Variants in RIMS1 observed in about 807,000 individuals in gnomAD.
The protein encoded by RIMS1 is regulating synaptic membrane exocytosis 1.
A neutral mutation model predicts 214.1 loss-of-function variants in RIMS1; 83 were observed. The observed-to-expected ratio is 0.39, with a 90% CI of 0.32 to 0.47. The LOEUF (loss-of-function observed/expected upper bound fraction) is 0.47, where lower values mean the gene tolerates loss of function less well. Among genes scored for constraint, RIMS1 ranks in the 20% least tolerant of loss-of-function variants. The pLI is 0.99. For missense variants in RIMS1, 2,050 were observed against 2,161.8 expected (o/e 0.95, Z 1.03); for synonymous variants, 793 against 786.8 (o/e 1.01, Z -0.13).
chr6:71,905,631 T>TA (rs954325927), intron 1 of RIMS1, among the ~76,000 whole-genome samples: 2 of 152,092 alleles, frequency 1.3e-5, no homozygotes, highest in East Asian at 1.9e-4. Flanking sequence ...TTCCTTGATT[T>TA]AAAAAAAATT....
intron 23 of RIMS1, among the ~76,000 whole-genome samples, chr6:72,276,470 C>G (rs952316569): frequency 4.6e-5 from 7 of 152,018 alleles, no homozygotes; most frequent in African/African-American, 1.7e-4. Context: ...ATGAATTATT[C>G]CATTTGATTG....
chr6:72,095,116 A>ATTTTTTTTTTTTTTTTT (rs71540328), intron 2 of RIMS1, among the ~76,000 whole-genome samples: 1 of 98,980 alleles, frequency 1.0e-5, no homozygotes, highest in African/African-American at 4.0e-5. Context: ...ACGCCCGACT[A>ATTTTTTTTTTTTTTTTT]TTTTTTTTTT....
At chr6:72,106,756 C>G (rs549699971) in intron 4 of RIMS1, among the ~76,000 whole-genome samples, 22 of 152,186 alleles carry the variant, frequency 1.4e-4, no homozygotes, top group African/African-American at 5.1e-4. Context: ...GATGGTTCCC[C>G]TAAAAAATAT....
intron 29 of RIMS1, among the ~76,000 whole-genome samples, chr6:72,357,813 T>G (rs566333797): frequency 6.6e-6 from 1 of 152,334 alleles, no homozygotes; most frequent in African/African-American, 2.4e-5. Context: ...CTCTGAAATT[T>G]TCTGAAATTT....
At chr6:72,147,710 A>G (rs1434646657) in intron 4 of RIMS1, among the ~76,000 whole-genome samples, 1 of 152,218 alleles carries the variant, frequency 6.6e-6, no homozygotes. Context: ...TATAGCTTGA[A>G]TATCCACTTT....
chr6:72,305,792 A>ATTAT (rs1480373785), intron 26 of RIMS1, among the ~76,000 whole-genome samples: 1 of 152,124 alleles, frequency 6.6e-6, no homozygotes, highest in Non-Finnish European at 1.5e-5. Context: ...TGAAGTCAAC[A>ATTAT]TTATTAAAGC....
At chr6:71,919,311 G>GAAA in intron 1 of RIMS1, among the ~76,000 whole-genome samples, 1 of 152,022 alleles carries the variant, frequency 6.6e-6, no homozygotes, top group Non-Finnish European at 1.5e-5. Flanking sequence ...TGGTATTGAG[G>GAAA]AAAAGATAAA....
intron 4 of RIMS1, among the ~76,000 whole-genome samples, chr6:72,152,454 T>C (rs946155076): frequency 5.9e-5 from 9 of 152,124 alleles, no homozygotes; most frequent in African/African-American, 1.9e-4. Context: ...ATCATCTGTG[T>C]GCTTTTCTGA....
At chr6:72,035,107 C>A (rs1167806826) in intron 2 of RIMS1, among the ~76,000 whole-genome samples, 1 of 152,074 alleles carries the variant, frequency 6.6e-6, no homozygotes, top group Non-Finnish European at 1.5e-5. Context: ...TTTTGTTCCT[C>A]AATGTCTTTA....
chr6:72,093,697 G>A (rs72934877), intron 2 of RIMS1, among the ~76,000 whole-genome samples: 8,501 of 151,694 alleles, frequency 0.056, 342 homozygotes, highest in Middle Eastern at 0.097. Context: ...ATATTTAAAT[G>A]TTCTGCTTTG....
At chr6:71,941,878 GA>G (rs1786268489) in intron 1 of RIMS1, among the ~76,000 whole-genome samples, 1 of 152,152 alleles carries the variant, frequency 6.6e-6, no homozygotes, top group South Asian at 2.1e-4. Context: ...GACCATACAG[GA>G]AATTAACAGT....
intron 6 of RIMS1, among the ~76,000 whole-genome samples, chr6:72,215,264 C>T (rs1459296104): frequency 3.3e-5 from 5 of 152,138 alleles, no homozygotes; most frequent in African/African-American, 9.7e-5. Flanking sequence ...ATAGCTGCTC[C>T]GGAAAATCTT....
rs2045122389 is a variant in RIMS1, at chr6:72,160,073, T to C, written c.472-19502T>C. On this transcript the variant is annotated intron_variant, in intron 4 of 33. Transcript: ENST00000521978. ...TATCCTCTTTTATTTCATTGAGCAG[T>C]GGTTTGTAGTTCTTCTTGAAGAGGT... is the stretch of plus-strand genomic sequence containing the variant. 2.3e-5 allele frequency among the ~76,000 whole-genome samples: 2 copies of C among 87,958 alleles called. 1 individual carries two copies. Among genetic ancestry groups the C allele is most frequent in the Non-Finnish European group, 5.1e-5 (2 of 39,236 alleles). The allele number at this position is 87,958 out of a possible 152,430, so 57.7% of individuals were successfully genotyped here.
chr6:72,064,805 G>T (rs1586102241), intron 2 of RIMS1, among the ~76,000 whole-genome samples: 1 of 152,328 alleles, frequency 6.6e-6, no homozygotes, highest in East Asian at 1.9e-4. Context: ...CAGGTGCGGG[G>T]TTCTGTTTGA....
At chr6:72,113,465 T>G (rs1372003132) in intron 4 of RIMS1, among the ~76,000 whole-genome samples, 2 of 152,158 alleles carry the variant, frequency 1.3e-5, no homozygotes, top group Non-Finnish European at 2.9e-5. Flanking sequence ...TGAGTAATTT[T>G]GATAAAGTTG....
At chr6:72,275,345 T>C (rs1019344199) in intron 23 of RIMS1, among the ~76,000 whole-genome samples, 2 of 150,888 alleles carry the variant, frequency 1.3e-5, no homozygotes, top group Non-Finnish European at 2.9e-5. Flanking sequence ...GTCATGTAAA[T>C]GTACAGATTT....
At chr6:72,216,980 T>G in intron 6 of RIMS1, 11 of 1,389,202 alleles carry the variant, frequency 7.9e-6, no homozygotes, top group Non-Finnish European at 1.0e-5. Flanking sequence ...GCAGCACTTA[T>G]GGCCTTGTTT....
chr6:71,950,377 G>GA (rs11373059), intron 1 of RIMS1, among the ~76,000 whole-genome samples: 7,720 of 149,836 alleles, frequency 0.052, 349 homozygotes, highest in East Asian at 0.19. Flanking sequence ...ACCTTAATCT[G>GA]AAAAAAAAAG....
At chr6:71,907,066 T>C (rs549649660) in intron 1 of RIMS1, among the ~76,000 whole-genome samples, 1 of 152,322 alleles carries the variant, frequency 6.6e-6, no homozygotes, top group South Asian at 2.1e-4. Context: ...TTTAGCACAA[T>C]GCAGTTACCT....
Sources: gnomAD v4.1 joint callset for allele counts (sites outside exome capture counted in the v4.1 genomes callset) on GRCh38, gnomAD v4.1.1 for gene constraint, MANE v1.5 for transcripts, NCBI Gene and HGNC (gene_info 2026-07-23, HGNC 2026-07-21) for gene names.